Variants in PDE11A observed in about 807,000 individuals in gnomAD.
The protein encoded by PDE11A is phosphodiesterase 11A, also known as dual 3',5'-cyclic-AMP and -GMP phosphodiesterase 11A.
PDE11A carries 100 observed loss-of-function variants against 100.5 expected under a neutral mutation model. That is an observed-to-expected ratio of 1.00 (90% CI 0.85 to 1.18). The LOEUF (loss-of-function observed/expected upper bound fraction) is 1.18. PDE11A is among the 50% of genes most tolerant of loss of function. PDE11A has a pLI of 0.00. For missense variants in PDE11A, 1,141 were observed against 1,152.6 expected, an observed-to-expected ratio of 0.99 and a Z score of 0.15; for synonymous variants, 381 against 420.8, an observed-to-expected ratio of 0.91 and a Z score of 1.16.
intron 1 of PDE11A, among the ~76,000 whole-genome samples, chr2:178,050,236 C>A (rs2105856454): frequency 6.6e-6 from 1 of 152,348 alleles, no homozygotes; most frequent in South Asian, 2.1e-4. Flanking sequence ...CCCAGGCAAA[C>A]AGGGTCTGGG....
intron 2 of PDE11A, among the ~76,000 whole-genome samples, chr2:177,908,209 A>G (rs2084821582): frequency 6.6e-6 from 1 of 152,280 alleles, no homozygotes; most frequent in Non-Finnish European, 1.5e-5. Flanking sequence ...ATAGATGACT[A>G]AGACTAGCAC....
intron 1 of PDE11A, among the ~76,000 whole-genome samples, chr2:178,048,866 G>A (rs866529111): frequency 2.0e-5 from 3 of 152,116 alleles, no homozygotes; most frequent in Non-Finnish European, 2.9e-5. Context: ...TTGGTTCAGG[G>A]TAGGGAAGAA....
In PDE11A at chr2:177,760,335, T is replaced by C. The variant is rs2082151426; in HGVS notation, c.1788+8988A>G. 2.0e-5 allele frequency among the ~76,000 whole-genome samples: 3 copies of C among 152,298 alleles called. No individual in the cohort carries two copies. The South Asian group carries it at 6.2e-4, about 32-fold the overall frequency. On this transcript the variant is annotated intron_variant, in intron 10 of 19. Coordinates refer to ENST00000286063, the MANE Select transcript of PDE11A (RefSeq NM_016953.4). ...GTTTTTATACTGATGAGATTGAGAC[T>C]CTTGTTTTACCCACGTAATCACACA...
intron 1 of PDE11A, among the ~76,000 whole-genome samples, chr2:178,044,453 T>G (rs2086723581): frequency 6.7e-6 from 1 of 149,872 alleles, no homozygotes; most frequent in Non-Finnish European, 1.5e-5. Flanking sequence ...TATATATGTA[T>G]GTATACATCA....
intron 5 of PDE11A, among the ~76,000 whole-genome samples, chr2:177,872,258 T>C (rs1419911301): frequency 6.6e-6 from 1 of 152,198 alleles, no homozygotes; most frequent in Non-Finnish European, 1.5e-5. Context: ...TATAGGAATA[T>C]AATTCAACAT....
intron 7 of PDE11A, among the ~76,000 whole-genome samples, chr2:177,818,954 C>CATATATAT (rs58051939): frequency 2.6e-5 from 4 of 151,332 alleles, no homozygotes; most frequent in African/African-American, 9.7e-5. Context: ...TGCAAGAAGA[C>CATATATAT]ATATATATAT....
chr2:177,931,378 G>A (rs10193299), intron 2 of PDE11A, among the ~76,000 whole-genome samples: 13,161 of 152,086 alleles, frequency 0.087, 542 homozygotes, highest in South Asian at 0.099. Flanking sequence ...CATTTCTGTC[G>A]TGAGAACACT....
intron 9 of PDE11A, among the ~76,000 whole-genome samples, chr2:177,813,556 G>A (rs1388658110): frequency 6.6e-6 from 1 of 152,026 alleles, no homozygotes; most frequent in East Asian, 1.9e-4. Flanking sequence ...TCTTTCCAGG[G>A]AATATATATG....
At chr2:177,925,959 CT>C (rs2085119386) in intron 2 of PDE11A, among the ~76,000 whole-genome samples, 1 of 152,216 alleles carries the variant, frequency 6.6e-6, no homozygotes, top group Admixed American at 6.5e-5. Flanking sequence ...TCTGCAAGTG[CT>C]ACCAGCCTGG....
At chr2:178,085,906 T>C (rs971377999) in intron 2 of PDE11A, among the ~76,000 whole-genome samples, 1 of 152,138 alleles carries the variant, frequency 6.6e-6, no homozygotes. Flanking sequence ...AGAACAAAAA[T>C]CAAACAGATT....
chr2:177,844,235 A>T (rs1427786870), intron 5 of PDE11A, among the ~76,000 whole-genome samples: 1 of 152,190 alleles, frequency 6.6e-6, no homozygotes, highest in Non-Finnish European at 1.5e-5. Flanking sequence ...AGGCACTGGC[A>T]GATTCAGTAT....
chr2:177,881,172 C>T (rs1001731195), intron 4 of PDE11A, among the ~76,000 whole-genome samples: 2 of 151,468 alleles, frequency 1.3e-5, no homozygotes, highest in Non-Finnish European at 3.0e-5. Context: ...TGTCCTCAGA[C>T]ACTGGGACTC....
intron 2 of PDE11A, among the ~76,000 whole-genome samples, chr2:178,086,207 T>A (rs919457834): frequency 2.0e-5 from 3 of 152,222 alleles, no homozygotes; most frequent in African/African-American, 7.2e-5. Flanking sequence ...CCTTCCTACA[T>A]GGTGGTGTAG....
At chr2:178,001,891 T>C (rs1305795029) in intron 2 of PDE11A, among the ~76,000 whole-genome samples, 2 of 152,212 alleles carry the variant, frequency 1.3e-5, no homozygotes, top group African/African-American at 4.8e-5. Context: ...ATTTGGTCTA[T>C]CTGCTTTTTA....
At chr2:177,642,756 A>G (rs1171418967) in intron 19 of PDE11A, among the ~76,000 whole-genome samples, 1 of 152,220 alleles carries the variant, frequency 6.6e-6, no homozygotes, top group East Asian at 1.9e-4. Context: ...CAACCAAATC[A>G]CATCTTGGAT....
At chr2:178,037,160 T>C (rs1263708260) in intron 1 of PDE11A, among the ~76,000 whole-genome samples, 1 of 152,114 alleles carries the variant, frequency 6.6e-6, no homozygotes, top group Non-Finnish European at 1.5e-5. Context: ...TACCAGGAAC[T>C]TAAACAAATT....
At position 178,072,105 on chromosome 2, in the gene PDE11A, G is replaced by A; in HGVS notation, c.333C>T (p.Asn111=). 1 of 1,613,988 alleles carries A rather than the reference G, an allele frequency of 6.2e-7. No homozygotes were observed. Among genetic ancestry groups the A allele is most frequent in the Non-Finnish European group, 8.5e-7 (1 of 1,179,926 alleles). ...CTTTCTGAGAAGCTCTCCGCTGCAG[G>A]TTCCCATCGCCCCTGCTGCCACCGG... ...SWAGGSRGDG[N]LQRRASQKEL... The change falls in exon 1 of 20, where the codon AAC becomes AAT. Residue 111 remains asparagine (N), a synonymous_variant. Transcript: ENST00000286063.
intron 9 of PDE11A, among the ~76,000 whole-genome samples, chr2:177,788,340 C>T (rs1369268520): frequency 6.2e-5 from 9 of 144,308 alleles, no homozygotes; most frequent in African/African-American, 1.6e-4. Context: ...TTGAAACCAA[C>T]GAGAACAAAG....
At chr2:177,813,887 G>C (rs2082992604) in intron 9 of PDE11A, among the ~76,000 whole-genome samples, 1 of 150,806 alleles carries the variant, frequency 6.6e-6, no homozygotes, top group African/African-American at 2.4e-5. Context: ...GCTACATTTA[G>C]ACACAGCTCT....
Sources: gnomAD v4.1 joint callset for allele counts (sites outside exome capture counted in the v4.1 genomes callset) on GRCh38, gnomAD v4.1.1 for gene constraint, MANE v1.5 for transcripts, NCBI Gene and HGNC (gene_info 2026-07-23, HGNC 2026-07-21) for gene names.